Variants in SLC39A10 observed in about 807,000 individuals in gnomAD.
SLC39A10 encodes zinc transporter ZIP10.
Under a neutral mutation model 65.1 loss-of-function variants are expected in SLC39A10, and 13 were observed. The ratio of observed to expected loss-of-function variants is 0.20; its 90% CI spans 0.13 to 0.32. The LOEUF (loss-of-function observed/expected upper bound fraction) is 0.32. Ranked by LOEUF, SLC39A10 falls within the 10% of genes least tolerant of loss-of-function variation. The probability of loss-of-function intolerance (pLI) is 1.00; values close to 1 mark genes in which losing one functional copy is unlikely to be tolerated. For synonymous variants in SLC39A10, 321 were observed against 342.2 expected (o/e 0.94, Z 0.68); for missense variants, 831 against 1,018.4 (o/e 0.82, Z 2.50).
At chr2:195,714,013 G>A (rs1232924913) in intron 6 of SLC39A10, among the ~76,000 whole-genome samples, 4 of 151,682 alleles carry the variant, frequency 2.6e-5, no homozygotes, top group African/African-American at 4.8e-5. Context: ...TGCAAGCTCC[G>A]CCTCCCGGGT....
At chr2:195,669,650 A>T (rs974522925) in intron 1 of SLC39A10, among the ~76,000 whole-genome samples, 2 of 152,180 alleles carry the variant, frequency 1.3e-5, no homozygotes, top group African/African-American at 2.4e-5. Context: ...AATTTTTAAA[A>T]TTTGTAGCTT....
chr2:195,654,646 C>T (rs1271396954), upstream of SLC39A10, among the ~76,000 whole-genome samples: 1 of 152,140 alleles, frequency 6.6e-6, no homozygotes, highest in Non-Finnish European at 1.5e-5. Flanking sequence ...AGATGAGCTT[C>T]TTTATGAATC....
chr2:195,695,022 A>G (rs1481174235), intron 3 of SLC39A10, among the ~76,000 whole-genome samples: 1 of 152,112 alleles, frequency 6.6e-6, no homozygotes, highest in Admixed American at 6.5e-5. Context: ...CTTCGCAGGT[A>G]GGCATCCCAG....
chr2:195,678,381 T>C (rs1048779888), intron 1 of SLC39A10, among the ~76,000 whole-genome samples: 2 of 152,200 alleles, frequency 1.3e-5, no homozygotes, highest in African/African-American at 4.8e-5. Context: ...GCTGAACATA[T>C]TTTCATTTGC....
At chr2:195,630,622 A>C (rs1688566729) in intron 2 of SLC39A10, among the ~76,000 whole-genome samples, 1 of 152,240 alleles carries the variant, frequency 6.6e-6, no homozygotes, top group African/African-American at 2.4e-5. Flanking sequence ...CACACCCAAC[A>C]GTGTAACAAA....
intron 1 of SLC39A10, among the ~76,000 whole-genome samples, chr2:195,672,825 C>T (rs927643858): frequency 3.9e-5 from 6 of 152,142 alleles, no homozygotes; most frequent in Non-Finnish European, 8.8e-5. Flanking sequence ...ATGGTATTTA[C>T]ATATCAGCTG....
chr2:195,625,886 G>A (rs1482188308), intron 2 of SLC39A10, among the ~76,000 whole-genome samples: 1 of 152,172 alleles, frequency 6.6e-6, no homozygotes, highest in Non-Finnish European at 1.5e-5. Flanking sequence ...CAGGGATCGA[G>A]CAATTCTCCC....
rs1315085545 is a variant in SLC39A10, at chr2:195,680,616, A to G, written c.574A>G (p.Asn192Asp). 3.7e-6 allele frequency: 6 copies of G among 1,614,152 alleles called. No homozygotes were observed. The highest frequency in any genetic ancestry group is 5.1e-6 in the Non-Finnish European group (6 of 1,180,038). ...HRLHHHLDHN[N>D]THHFHNDSIT... Reference sequence around the variant, plus strand: ...TTTGCATCATCATCTTGATCATAACAACACTCACCATTTTCATAATGATTC... The same window carrying G: ...TTTGCATCATCATCTTGATCATAACGACACTCACCATTTTCATAATGATTC... The change falls in exon 2 of 10, where the codon AAC becomes GAC. Residue 192 changes from asparagine to aspartate, a missense_variant. Asn to Asp is a conservative substitution (Grantham distance 23, BLOSUM62 1). Around this residue, in one of 4 missense-constraint regions of SLC39A10, gnomAD observed 446 missense variants for 499.2 expected, o/e 0.89. Transcript: ENST00000359634.
chr2:195,720,249 G>A (rs1481403591), intron 8 of SLC39A10, among the ~76,000 whole-genome samples: 2 of 152,268 alleles, frequency 1.3e-5, no homozygotes, highest in South Asian at 2.1e-4. Context: ...TTTTTACCAA[G>A]GTAATGGATG....
rs1690970917 is a variant in SLC39A10 at position 195,696,598 on chromosome 2, CGTGGGGGGATTAGCAGTGCT to C, written c.1217-10017_1217-9998del. On this transcript the variant is annotated intron_variant, in intron 3 of 9. Coordinates refer to ENST00000359634, the MANE Select transcript of SLC39A10 (RefSeq NM_020342.3). ...TAAATTACAGTTGGCCCTTGAACAACGTGGGGGGATTAGCAGTGCTAATCCCCGTGTAGTCGAAAATTTGT... is the reference window on the plus strand; with the variant it reads ...TAAATTACAGTTGGCCCTTGAACAACAATCCCCGTGTAGTCGAAAATTTGT... 2.0e-5 allele frequency among the ~76,000 whole-genome samples: 3 copies of C among 152,018 alleles called. No individual in the cohort carries two copies. In the South Asian group the frequency reaches 6.2e-4, roughly 31 times the overall value.
chr2:195,706,377 G>T (rs1691395973), intron 3 of SLC39A10, among the ~76,000 whole-genome samples: 1 of 149,164 alleles, frequency 6.7e-6, no homozygotes, highest in Non-Finnish European at 1.5e-5. Context: ...TTCTTATCTC[G>T]TGGGCCATTG....
At chr2:195,651,178 C>G (rs867619195) in intron 2 of SLC39A10, among the ~76,000 whole-genome samples, 3 of 151,866 alleles carry the variant, frequency 2.0e-5, no homozygotes, top group Middle Eastern at 3.4e-3. Flanking sequence ...CTACCTTAGT[C>G]TTTAGAGCTT....
intron 2 of SLC39A10, among the ~76,000 whole-genome samples, chr2:195,640,064 A>G (rs1290400253): frequency 6.6e-6 from 1 of 152,122 alleles, no homozygotes; most frequent in East Asian, 1.9e-4. Flanking sequence ...GCCTTTTGGG[A>G]GCTGTTTCAA....
chr2:195,658,992 A>G (rs1689274244), intron 1 of SLC39A10, among the ~76,000 whole-genome samples: 2 of 152,250 alleles, frequency 1.3e-5, no homozygotes, highest in Admixed American at 1.3e-4. Flanking sequence ...ATATTTTAGT[A>G]AAGCATTAGT....
chr2:195,618,453 GA>G (rs1688275695), intron 2 of SLC39A10, among the ~76,000 whole-genome samples: 1 of 152,004 alleles, frequency 6.6e-6, no homozygotes. Context: ...GTAAGTCATA[GA>G]GTACCAAAGT....
chr2:195,715,722 A>C lies in SLC39A10; in HGVS notation c.1697-915A>C, dbSNP rs1691783601. Among the ~76,000 whole-genome samples the C allele has an allele frequency of 2.0e-5, 3 of 152,154 alleles. No individual in the cohort carries two copies. In the South Asian group the frequency reaches 6.2e-4, roughly 31 times the overall value. The stretch of plus-strand genomic sequence containing the variant: ...ATTTATGAAATAGAAGTTCTCAATA[A>C]ACTTTCCACAGCAAGGGAAATAAAT... On this transcript the variant is annotated intron_variant, in intron 6 of 9. Transcript: ENST00000359634.
chr2:195,648,190 G>A (rs1048425153), intron 2 of SLC39A10, among the ~76,000 whole-genome samples: 7 of 152,056 alleles, frequency 4.6e-5, no homozygotes, highest in African/African-American at 1.7e-4. Context: ...TACAGAAGAG[G>A]TCTCGCTATG....
At chr2:195,615,873 T>C (rs1688195448) in intron 2 of SLC39A10, among the ~76,000 whole-genome samples, 1 of 152,266 alleles carries the variant, frequency 6.6e-6, no homozygotes, top group African/African-American at 2.4e-5. Flanking sequence ...ATAATTCCTA[T>C]GGCAGTGACC....
rs940593789 is a variant in SLC39A10 at position 195,721,231 on chromosome 2, C to T, written c.2146+2899C>T. 2.6e-5 allele frequency among the ~76,000 whole-genome samples: 4 copies of T among 152,112 alleles called. No individual in the cohort carries two copies. The South Asian group carries it at 6.2e-4, about 24-fold the overall frequency. ...CTGGGATTACAGGTGTGAGCCACCACGCCCAGCTATGAGTCACACTTTCAA... is the reference window on the plus strand; with the variant it reads ...CTGGGATTACAGGTGTGAGCCACCATGCCCAGCTATGAGTCACACTTTCAA... On this transcript the variant is annotated intron_variant, in intron 8 of 9. Transcript: ENST00000359634.
Sources: allele counts gnomAD v4.1 joint callset (sites outside exome capture counted in the v4.1 genomes callset), GRCh38; gene constraint gnomAD v4.1.1; regional missense constraint gnomAD v4.1.1; transcripts MANE v1.5; gene names NCBI Gene and HGNC (gene_info 2026-07-23, HGNC 2026-07-21).